TESC: variants seen among roughly 807,000 people sequenced by gnomAD.
TESC encodes the protein calcineurin B homologous protein 3.
TESC carries 19 observed loss-of-function variants against 31.0 expected under a neutral mutation model. That is an observed-to-expected ratio of 0.61 (90% CI 0.43 to 0.90). TESC has a LOEUF of 0.90. Among genes scored for constraint, TESC ranks in the 40% least tolerant of loss-of-function variants. The pLI, the probability that TESC is intolerant of heterozygous loss-of-function variation, is 0.00. For synonymous variants in TESC, 109 were observed against 114.8 expected, an observed-to-expected ratio of 0.95 and a Z score of 0.32; for missense variants, 248 against 303.8, an observed-to-expected ratio of 0.82 and a Z score of 1.36.
chr12:117,058,108 T>C (rs1406714461), intron 2 of TESC, among the ~76,000 whole-genome samples: 1 of 152,074 alleles, frequency 6.6e-6, no homozygotes, highest in African/African-American at 2.4e-5. Context: ...TAATCCCAGC[T>C]ACTTGGGAAC....
chr12:117,049,230 C>T (rs1954612479), intron 3 of TESC, 72 bp from the exon 4 acceptor site: 4 of 1,596,906 alleles, frequency 2.5e-6, no homozygotes, highest in Non-Finnish European at 3.4e-6. Flanking sequence ...ACCATTAGCT[C>T]CCGAGAACTC....
At chr12:117,059,314 T>G (rs1362076319) in intron 2 of TESC, among the ~76,000 whole-genome samples, 3 of 152,176 alleles carry the variant, frequency 2.0e-5, no homozygotes, top group Non-Finnish European at 4.4e-5. Context: ...CCTGGCCGAT[T>G]CCCGGGTCCC....
chr12:117,096,149 CTTCTGGTCCT>C (rs1319480001), intron 1 of TESC, among the ~76,000 whole-genome samples: 1 of 152,204 alleles, frequency 6.6e-6, no homozygotes, highest in Non-Finnish European at 1.5e-5. Context: ...TCAGCCTGAC[CTTCTGGTCCT>C]TTCTGGATGG....
chr12:117,058,991 C>T (rs1009899202), intron 2 of TESC, among the ~76,000 whole-genome samples: 17 of 152,158 alleles, frequency 1.1e-4, no homozygotes, highest in Non-Finnish European at 2.1e-4. Context: ...CCTCCACGGG[C>T]AGTGTCTTGG....
At chr12:117,075,950 C>CATATAT (rs113707120) in intron 1 of TESC, among the ~76,000 whole-genome samples, 5 of 47,644 alleles carry the variant, frequency 1.0e-4, no homozygotes, top group African/African-American at 3.4e-4. Flanking sequence ...TGTATATATA[C>CATATAT]ATATATATAT....
chr12:117,082,489 T>A (rs1353626281), intron 1 of TESC, among the ~76,000 whole-genome samples: 3 of 143,120 alleles, frequency 2.1e-5, no homozygotes, highest in Non-Finnish European at 4.5e-5. Context: ...GGGACAAGAG[T>A]GAGACTTTGT....
rs368342768 is a variant in TESC, at chr12:117,062,070, C to T, written c.129-5184G>A. Among the ~76,000 whole-genome samples, 48 of 152,202 alleles carry T rather than the reference C, an allele frequency of 3.2e-4. 1 individual carries two copies. Among genetic ancestry groups the T allele is most frequent in the South Asian group, 1.2e-3 (6 of 4,822 alleles). On this transcript the variant is annotated intron_variant, in intron 2 of 7. Coordinates refer to ENST00000335209, the MANE Select transcript of TESC (RefSeq NM_017899.4). ...TAACGGCAGCAGCAGTAACAGTAAT[C>T]GCTGCAGCAGTATTAATAGTAGTAA... is the stretch of plus-strand genomic sequence containing the variant.
At chr12:117,044,699 A>C (rs903359086) in intron 6 of TESC, among the ~76,000 whole-genome samples, 1 of 152,172 alleles carries the variant, frequency 6.6e-6, no homozygotes, top group African/African-American at 2.4e-5. Flanking sequence ...GGAGTTCGAG[A>C]CCAGCTGGCC....
At chr12:117,047,194 C>T (rs562719590) in intron 4 of TESC, among the ~76,000 whole-genome samples, 13 of 152,354 alleles carry the variant, frequency 8.5e-5, no homozygotes, top group Non-Finnish European at 1.5e-4. Flanking sequence ...ACAAGTCAAA[C>T]GGTGTCGAGT....
At chr12:117,070,078 G>C (rs1197711355) in intron 2 of TESC, among the ~76,000 whole-genome samples, 1 of 152,218 alleles carries the variant, frequency 6.6e-6, no homozygotes, top group Non-Finnish European at 1.5e-5. Context: ...TCCCCAGAAA[G>C]AAAAGGAATT....
chr12:117,045,267 C>T (rs1954541020), intron 6 of TESC, among the ~76,000 whole-genome samples: 1 of 152,240 alleles, frequency 6.6e-6, no homozygotes, highest in South Asian at 2.1e-4. Context: ...CGCCCCGGAG[C>T]CCGGCCTCCG....
chr12:117,041,155 G>C (rs999494853), intron 7 of TESC, among the ~76,000 whole-genome samples: 2 of 152,200 alleles, frequency 1.3e-5, no homozygotes, highest in African/African-American at 4.8e-5. Flanking sequence ...CACTAGCAGA[G>C]GCTGGAGGAG....
chr12:117,098,238 G>GTA (rs1955421208), intron 1 of TESC, among the ~76,000 whole-genome samples: 2 of 152,220 alleles, frequency 1.3e-5, no homozygotes, highest in South Asian at 4.1e-4. Flanking sequence ...CATTTCCTGA[G>GTA]CGTCTACCAG....
In TESC at chr12:117,071,546, A is replaced by G. The variant is rs56861313; in HGVS notation, c.128+3725T>C. On this transcript the variant is annotated intron_variant, in intron 2 of 7. Transcript: ENST00000335209. ...TGTGTGAGTCCCACATAAAGAACAC[A>G]AAGATGACGTTGATGGCACTGGGTA... Among the ~76,000 whole-genome samples, 1,331 of 152,294 alleles carry G rather than the reference A, an allele frequency of 8.7e-3. 19 individuals carry two copies. The highest frequency in any genetic ancestry group is 0.03 in the African/African-American group (1,234 of 41,562).
chr12:117,074,612 G>A (rs963269363), intron 2 of TESC, among the ~76,000 whole-genome samples: 20 of 152,106 alleles, frequency 1.3e-4, no homozygotes, highest in African/African-American at 4.1e-4. Context: ...AAGTCGGGCT[G>A]CACCACAACT....
In TESC at chr12:117,091,887, ATCACACAGATGTGCCGACTCTCAGAGTC is replaced by A. The variant is rs1407028860; in HGVS notation, c.58+7310_58+7337del. Among the ~76,000 whole-genome samples, 7 of 152,300 alleles carry A rather than the reference ATCACACAGATGTGCCGACTCTCAGAGTC, an allele frequency of 4.6e-5. No individual in the cohort carries two copies. The East Asian group carries it at 1.2e-3, about 25-fold the overall frequency. ...GGGGTAACAGCATGGCCTCCCCCAG[ATCACACAGATGTGCCGACTCTCAGAGTC>A]TCAGTCCAGAGCATGTGGGGTTCTC... On this transcript the variant is annotated intron_variant, in intron 1 of 7. Coordinates refer to ENST00000335209, the MANE Select transcript of TESC (RefSeq NM_017899.4).
At chr12:117,041,915 T>TC (rs1205621627) in intron 7 of TESC, 32 bp downstream of exon 7, 4 of 1,562,908 alleles carry the variant, frequency 2.6e-6, no homozygotes, top group Non-Finnish European at 2.6e-6. Context: ...TCTTCAAGGG[T>TC]CCCCCGAGGC....
At chr12:117,067,115 C>T (rs1047193275) in intron 2 of TESC, among the ~76,000 whole-genome samples, 5 of 152,134 alleles carry the variant, frequency 3.3e-5, no homozygotes, top group Admixed American at 6.6e-5. Context: ...GCTACCGTAG[C>T]AGGTTTTCCT....
chr12:117,087,132 G>A (rs1310926438), intron 1 of TESC, among the ~76,000 whole-genome samples: 1 of 152,206 alleles, frequency 6.6e-6, no homozygotes, highest in African/African-American at 2.4e-5. Flanking sequence ...TTCCTTGGAT[G>A]CCATGTGCTG....
Sources: gnomAD v4.1 joint callset for allele counts (sites outside exome capture counted in the v4.1 genomes callset) on GRCh38, gnomAD v4.1.1 for gene constraint, MANE v1.5 for transcripts, NCBI Gene and HGNC (gene_info 2026-07-23, HGNC 2026-07-21) for gene names.